The following TMTC2 variants were observed in gnomAD, a reference collection of about 807,000 sequenced individuals.
The protein encoded by TMTC2 is protein O-mannosyl-transferase TMTC2.
A neutral mutation model predicts 82.4 loss-of-function variants in TMTC2; 43 were observed. That is an observed-to-expected ratio of 0.52 (90% confidence interval 0.41 to 0.67). The LOEUF (loss-of-function observed/expected upper bound fraction) is 0.67. Among genes scored for constraint, TMTC2 ranks in the 30% least tolerant of loss-of-function variants. TMTC2 has a pLI of 0.00. For missense variants in TMTC2, 919 were observed against 1,012.4 expected, an observed-to-expected ratio of 0.91 and a Z score of 1.25; for synonymous variants, 408 against 381.9, an observed-to-expected ratio of 1.07 and a Z score of -0.80.
chr12:82,918,688 C>A (rs1565809672), intron 3 of TMTC2, among the ~76,000 whole-genome samples: 1 of 151,518 alleles, frequency 6.6e-6, no homozygotes. Context: ...ATTCATTTAT[C>A]TTTTTATTTT....
chr12:83,115,194 A>G (rs560907404), intron 11 of TMTC2, among the ~76,000 whole-genome samples: 2 of 152,320 alleles, frequency 1.3e-5, no homozygotes, highest in South Asian at 2.1e-4. Context: ...TAATATGATT[A>G]TGATTGAGAA....
At chr12:82,971,200 C>T (rs1301829752) in intron 7 of TMTC2, among the ~76,000 whole-genome samples, 1 of 152,078 alleles carries the variant, frequency 6.6e-6, no homozygotes, top group Non-Finnish European at 1.5e-5. Context: ...GTATTAGAAC[C>T]AGGAGTATAG....
chr12:82,919,715 A>G (rs967859252), intron 3 of TMTC2, among the ~76,000 whole-genome samples: 4 of 152,240 alleles, frequency 2.6e-5, no homozygotes, highest in African/African-American at 9.6e-5. Flanking sequence ...AGTCCCTACT[A>G]AATCCATAAC....
At chr12:82,817,045 G>T (rs1310694905) in intron 1 of TMTC2, among the ~76,000 whole-genome samples, 1 of 148,340 alleles carries the variant, frequency 6.7e-6, no homozygotes, top group Non-Finnish European at 1.5e-5. Flanking sequence ...TCGGCTCACT[G>T]TAACCTCCGC....
At chr12:82,733,653 G>GT (rs5799592) in intron 1 of TMTC2, among the ~76,000 whole-genome samples, 13,704 of 152,224 alleles carry the variant, frequency 0.09, 847 homozygotes, top group East Asian at 0.24. Context: ...GGTTTTGTTT[G>GT]TTATCCCAGC....
At chr12:82,926,837 A>T (rs1477743667) in intron 3 of TMTC2, among the ~76,000 whole-genome samples, 1 of 152,230 alleles carries the variant, frequency 6.6e-6, no homozygotes, top group East Asian at 1.9e-4. Context: ...TTCCGAGATG[A>T]CAACACATCT....
chr12:82,892,191 T>C (rs549398080), intron 2 of TMTC2, among the ~76,000 whole-genome samples: 77 of 152,350 alleles, frequency 5.1e-4, no homozygotes, highest in Non-Finnish European at 8.2e-4. Context: ...TAGTGACTGT[T>C]AGTTGTTCAA....
intron 2 of TMTC2, among the ~76,000 whole-genome samples, chr12:82,886,016 A>C (rs1184068237): frequency 6.6e-6 from 1 of 152,124 alleles, no homozygotes; most frequent in East Asian, 1.9e-4. Flanking sequence ...TATTTTTTGT[A>C]TCACTTATCA....
At chr12:82,763,722 T>C (rs1275989549) in intron 1 of TMTC2, among the ~76,000 whole-genome samples, 1 of 152,026 alleles carries the variant, frequency 6.6e-6, no homozygotes, top group Non-Finnish European at 1.5e-5. Context: ...GCTAAACAGA[T>C]CAATAGCCAC....
At chr12:82,696,295 C>T (rs1872784535) in intron 1 of TMTC2, among the ~76,000 whole-genome samples, 2 of 152,106 alleles carry the variant, frequency 1.3e-5, no homozygotes, top group African/African-American at 4.8e-5. Flanking sequence ...TGGTAAACTT[C>T]ATTTAAAATA....
At chr12:83,048,899 C>A (rs1000298790) in intron 9 of TMTC2, among the ~76,000 whole-genome samples, 26 of 152,296 alleles carry the variant, frequency 1.7e-4, no homozygotes, top group South Asian at 1.2e-3. Context: ...GAACTCCAGA[C>A]CTCTGGTGAT....
At position 82,857,538 on chromosome 12, in the gene TMTC2, T is replaced by C; in HGVS notation, c.612T>C (p.Phe204=). ...CAGCAGTTTATGATGTCTTTGTCTTTCACAGGCTGAAAATAAAACAGATAT... is the reference window on the plus strand; with the variant it reads ...CAGCAGTTTATGATGTCTTTGTCTTCCACAGGCTGAAAATAAAACAGATAT... ...AVSAVYDVFV[F]HRLKIKQILP... The change falls in exon 2 of 12, where the codon TTT becomes TTC. Residue 204 remains phenylalanine (F), a synonymous_variant. Transcript: ENST00000321196. The C allele has an allele frequency of 6.2e-7, 1 of 1,612,780 alleles. No homozygotes were observed. Among genetic ancestry groups the C allele is most frequent in the South Asian group, 1.1e-5 (1 of 90,620 alleles).
At chr12:83,097,024 T>C (rs1884051515) in intron 11 of TMTC2, among the ~76,000 whole-genome samples, 1 of 152,214 alleles carries the variant, frequency 6.6e-6, no homozygotes, top group Non-Finnish European at 1.5e-5. Context: ...TCCATGTTTT[T>C]CTATTTCAGC....
At chr12:82,970,036 T>A (rs892552419) in intron 7 of TMTC2, among the ~76,000 whole-genome samples, 1 of 152,240 alleles carries the variant, frequency 6.6e-6, no homozygotes, top group Non-Finnish European at 1.5e-5. Context: ...GACTTAATTC[T>A]GTGGACCTCA....
chr12:82,925,881 A>G (rs567009815), intron 3 of TMTC2, among the ~76,000 whole-genome samples: 3 of 152,310 alleles, frequency 2.0e-5, no homozygotes, highest in Admixed American at 6.5e-5. Context: ...CTCACTTTAC[A>G]TCAAAATTTA....
intron 11 of TMTC2, among the ~76,000 whole-genome samples, chr12:83,089,802 A>G (rs1029515409): frequency 3.3e-5 from 5 of 151,450 alleles, no homozygotes; most frequent in Non-Finnish European, 7.4e-5. Flanking sequence ...GTCTTCAGTC[A>G]TGTACATTGG....
chr12:83,115,675 G>A (rs1232908352), intron 11 of TMTC2, among the ~76,000 whole-genome samples: 3 of 151,774 alleles, frequency 2.0e-5, no homozygotes, highest in Non-Finnish European at 2.9e-5. Flanking sequence ...ATAGGTTATT[G>A]GGGAACGGGT....
intron 1 of TMTC2, among the ~76,000 whole-genome samples, chr12:82,737,970 G>GA (rs1875206173): frequency 6.6e-6 from 1 of 152,158 alleles, no homozygotes. Flanking sequence ...TGGGAGAAGG[G>GA]AAGAGAGTCC....
At chr12:82,919,747 A>T (rs1307780329) in intron 3 of TMTC2, among the ~76,000 whole-genome samples, 5 of 152,340 alleles carry the variant, frequency 3.3e-5, no homozygotes, top group African/African-American at 1.2e-4. Flanking sequence ...AACAATACGA[A>T]GTCTTAAAAC....
Sources: allele counts gnomAD v4.1 joint callset (sites outside exome capture counted in the v4.1 genomes callset), GRCh38; gene constraint gnomAD v4.1.1; transcripts MANE v1.5; gene names NCBI Gene and HGNC (gene_info 2026-07-23, HGNC 2026-07-21).